CDCP1: variants seen among roughly 807,000 people sequenced by gnomAD.
CDCP1 encodes CUB domain-containing protein 1.
A neutral mutation model predicts 60.2 loss-of-function variants in CDCP1; 29 were observed. The observed-to-expected ratio is 0.48, with a 90% confidence interval of 0.36 to 0.66. The LOEUF (loss-of-function observed/expected upper bound fraction) is 0.66. Ranked by LOEUF, CDCP1 falls within the 30% of genes least tolerant of loss-of-function variation. The pLI is 0.00. For synonymous variants in CDCP1, 387 were observed against 431.1 expected (o/e 0.90, Z 1.27); for missense variants, 876 against 1,074.3 (o/e 0.82, Z 2.58).
At chr3:45,118,805 A>T (rs930148263) in intron 1 of CDCP1, among the ~76,000 whole-genome samples, 184 bp from the exon 2 acceptor site, 1 of 152,212 alleles carries the variant, frequency 6.6e-6, no homozygotes, top group Admixed American at 6.5e-5. Context: ...AAGAACCAGG[A>T]TGCTGCCAGC....
intron 1 of CDCP1, among the ~76,000 whole-genome samples, chr3:45,132,234 C>CA (rs10716215): frequency 0.053 from 6,740 of 126,312 alleles, 512 homozygotes; most frequent in African/African-American, 0.19. Flanking sequence ...GACTCCGTCT[C>CA]AAAAAAAAAA....
At chr3:45,139,881 C>T (rs986819173) in intron 1 of CDCP1, among the ~76,000 whole-genome samples, 1 of 152,180 alleles carries the variant, frequency 6.6e-6, no homozygotes, top group Non-Finnish European at 1.5e-5. Context: ...CCAAGAGATG[C>T]CGTGAGTCCT....
intron 4 of CDCP1, among the ~76,000 whole-genome samples, chr3:45,105,751 G>T (rs1343350151): frequency 2.0e-5 from 3 of 152,184 alleles, no homozygotes; most frequent in Non-Finnish European, 4.4e-5. Context: ...ATTATCAGCA[G>T]GGCCACTTGA....
intron 4 of CDCP1, among the ~76,000 whole-genome samples, chr3:45,109,416 C>T (rs891584189): frequency 6.6e-6 from 1 of 152,154 alleles, no homozygotes; most frequent in Non-Finnish European, 1.5e-5. Flanking sequence ...CTTAATTTTT[C>T]TGCCTGGCTC....
intron 1 of CDCP1, among the ~76,000 whole-genome samples, chr3:45,127,259 G>A (rs544892715): frequency 3.3e-4 from 51 of 152,310 alleles, no homozygotes; most frequent in East Asian, 1.5e-3. Flanking sequence ...TGTTTGGGGC[G>A]TGGTTGTTCT....
At chr3:45,121,379 C>T (rs1450582262) in intron 1 of CDCP1, among the ~76,000 whole-genome samples, 1 of 152,304 alleles carries the variant, frequency 6.6e-6, no homozygotes, top group East Asian at 1.9e-4. Context: ...TATATCTGAG[C>T]TGTATATTAC....
intron 2 of CDCP1, among the ~76,000 whole-genome samples, chr3:45,116,657 T>C (rs1433702390): frequency 6.6e-6 from 1 of 152,212 alleles, no homozygotes; most frequent in Non-Finnish European, 1.5e-5. Context: ...CCAACCTGTC[T>C]CTAGAATGGT....
At chr3:45,126,108 C>T (rs367618925) in intron 1 of CDCP1, among the ~76,000 whole-genome samples, 15 of 110,082 alleles carry the variant, frequency 1.4e-4, no homozygotes, top group South Asian at 3.3e-4. Flanking sequence ...TTGTCTCTCT[C>T]TCTTTCTTTC....
At chr3:45,124,551 G>A (rs910992493) in intron 1 of CDCP1, among the ~76,000 whole-genome samples, 2 of 152,158 alleles carry the variant, frequency 1.3e-5, no homozygotes, top group East Asian at 3.9e-4. Flanking sequence ...GTTTGTGGCT[G>A]CTCAGTCACG....
intron 1 of CDCP1, among the ~76,000 whole-genome samples, chr3:45,128,819 G>A (rs1231341285): frequency 6.6e-6 from 1 of 152,204 alleles, no homozygotes; most frequent in African/African-American, 2.4e-5. Context: ...CCAGGTTCAA[G>A]TGATTCTCCT....
At chr3:45,139,903 G>A (rs1186680886) in intron 1 of CDCP1, among the ~76,000 whole-genome samples, 1 of 152,096 alleles carries the variant, frequency 6.6e-6, no homozygotes, top group Non-Finnish European at 1.5e-5. Context: ...CAAACTCAGG[G>A]GCTTCATCTT....
intron 1 of CDCP1, among the ~76,000 whole-genome samples, chr3:45,138,286 C>G (rs548066066): frequency 6.6e-6 from 1 of 152,338 alleles, no homozygotes; most frequent in East Asian, 1.9e-4. Flanking sequence ...ATTTCTTCCA[C>G]AGATATCCTT....
intron 1 of CDCP1, among the ~76,000 whole-genome samples, chr3:45,142,539 C>T (rs1017011461): frequency 2.0e-5 from 3 of 152,102 alleles, no homozygotes; most frequent in African/African-American, 7.2e-5. Context: ...GTGAGGAGAG[C>T]CTGGGAGAAT....
Position 45,102,965 on chromosome 3 carries a change from A to ATT in CDCP1, c.1025-7399_1025-7398dup, listed in dbSNP as rs57267322. 3.7e-3 allele frequency among the ~76,000 whole-genome samples: 548 copies of ATT among 148,876 alleles called. 3 individuals are homozygous for ATT. Among genetic ancestry groups the ATT allele is most frequent in the African/African-American group, 0.012 (474 of 40,634 alleles). On this transcript the variant is annotated intron_variant, in intron 4 of 8. Transcript: ENST00000296129. The stretch of plus-strand genomic sequence containing the variant: ...GCGTGAGCCACCATACTTGGTCTTG[A>ATT]TTTTTTTTTTTTGACAAATAATTTA...
At chr3:45,111,574 G>C (rs972882327) in intron 3 of CDCP1, among the ~76,000 whole-genome samples, 3 of 152,230 alleles carry the variant, frequency 2.0e-5, no homozygotes, top group Admixed American at 1.3e-4. Context: ...TACTTGGGAG[G>C]CTGAGGCAGA....
intron 1 of CDCP1, among the ~76,000 whole-genome samples, chr3:45,141,257 AC>A (rs1423778105): frequency 6.6e-6 from 1 of 152,204 alleles, no homozygotes; most frequent in African/African-American, 2.4e-5. Flanking sequence ...AAAAATGTCA[AC>A]AAAGGGAGGT....
At chr3:45,089,948 A>G (rs758773711) in intron 7 of CDCP1, among the ~76,000 whole-genome samples, 39 of 152,250 alleles carry the variant, frequency 2.6e-4, no homozygotes, top group Non-Finnish European at 4.3e-4. Flanking sequence ...GAAAAAGAAA[A>G]TAAATCAGAG....
chr3:45,138,027 G>A (rs1276253549), intron 1 of CDCP1, among the ~76,000 whole-genome samples: 1 of 152,152 alleles, frequency 6.6e-6, no homozygotes, highest in East Asian at 1.9e-4. Context: ...GCCCAGTCTT[G>A]GCTAATAACA....
intron 4 of CDCP1, among the ~76,000 whole-genome samples, chr3:45,103,334 C>T (rs181390713): frequency 4.6e-5 from 7 of 152,152 alleles, no homozygotes; most frequent in African/African-American, 1.4e-4. Flanking sequence ...CCTTATTATT[C>T]CTGAGTAGTA....
Sources: allele counts gnomAD v4.1 joint callset (sites outside exome capture counted in the v4.1 genomes callset), GRCh38; gene constraint gnomAD v4.1.1; transcripts MANE v1.5; gene names NCBI Gene and HGNC (gene_info 2026-07-23, HGNC 2026-07-21).